EFCAB11: variants seen among roughly 807,000 people sequenced by gnomAD.
EFCAB11 encodes the protein EF-hand calcium-binding domain-containing protein 11.
EFCAB11 carries 14 observed loss-of-function variants against 23.0 expected under a neutral mutation model. That is an observed-to-expected ratio of 0.61 (90% CI 0.40 to 0.95). EFCAB11 has a LOEUF of 0.95. Among genes scored for constraint, EFCAB11 ranks in the 40% least tolerant of loss-of-function variants. The pLI, the probability that EFCAB11 is intolerant of heterozygous loss-of-function variation, is 0.00. For missense variants in EFCAB11, 198 were observed against 195.8 expected (o/e 1.01, Z -0.07); for synonymous variants, 65 against 66.6 (o/e 0.98, Z 0.11).
chr14:89,949,657 C>T (rs544700752), intron 3 of EFCAB11, among the ~76,000 whole-genome samples: 1 of 152,298 alleles, frequency 6.6e-6, no homozygotes, highest in East Asian at 1.9e-4. Flanking sequence ...TGAGCCACTG[C>T]ACCCAGCCTA....
chr14:89,908,033 A>G (rs1410467138), intron 5 of EFCAB11, among the ~76,000 whole-genome samples: 1 of 152,194 alleles, frequency 6.6e-6, no homozygotes, highest in Non-Finnish European at 1.5e-5. Context: ...CTATTTACTC[A>G]CTGGAATAGC....
At chr14:89,933,525 T>TA (rs555321277) in intron 3 of EFCAB11, among the ~76,000 whole-genome samples, 2 of 152,230 alleles carry the variant, frequency 1.3e-5, no homozygotes, top group South Asian at 2.1e-4. Context: ...TCCAATCATT[T>TA]AAAAAAATGT....
intron 5 of EFCAB11, among the ~76,000 whole-genome samples, chr14:89,930,780 T>C (rs1890361538): frequency 6.6e-6 from 1 of 152,202 alleles, no homozygotes; most frequent in South Asian, 2.1e-4. Context: ...TCTATATTTT[T>C]TGAGTTTCCG....
rs772652702 is a variant in EFCAB11, at chr14:89,953,890, T to C, written c.171+16A>G. On this transcript the variant is annotated intron_variant, in intron 2 of 5. Coordinates refer to ENST00000316738, the MANE Select transcript of EFCAB11 (RefSeq NM_145231.4). The stretch of plus-strand genomic sequence containing the variant: ...TGATCGTCTACCCCATCCCCAAATA[T>C]ATAAGAAAGCTCTACCTTGGAGGGC... The C allele has an allele frequency of 2.7e-5, 43 of 1,607,314 alleles. No individual in the cohort carries two copies. Among genetic ancestry groups the C allele is most frequent in the Non-Finnish European group, 3.6e-5 (42 of 1,176,244 alleles).
At chr14:89,820,898 T>C (rs989196559) in intron 5 of EFCAB11, among the ~76,000 whole-genome samples, 3 of 151,728 alleles carry the variant, frequency 2.0e-5, no homozygotes, top group Non-Finnish European at 4.4e-5. Context: ...ATAAAATATG[T>C]TATATGTTTT....
chr14:89,825,526 C>T (rs534418004), intron 5 of EFCAB11, among the ~76,000 whole-genome samples: 25 of 151,818 alleles, frequency 1.6e-4, no homozygotes, highest in African/African-American at 3.9e-4. Flanking sequence ...AGAAAATAAA[C>T]GAAACTAAAA....
Position 89,857,406 on chromosome 14 carries a change from T to C in EFCAB11, c.411-60082A>G, listed in dbSNP as rs553981548. Among the ~76,000 whole-genome samples, 3 of 152,316 alleles carry C rather than the reference T, an allele frequency of 2.0e-5. No individual in the cohort carries two copies. In the South Asian group the frequency reaches 6.2e-4, roughly 32 times the overall value. ...GAATTGAAAGAAAACTTACTTGAAA[T>C]GAGGTAATTATGTAAAAACACGGTT... On this transcript the variant is annotated intron_variant, in intron 5 of 5. Transcript: ENST00000316738.
intron 5 of EFCAB11, among the ~76,000 whole-genome samples, chr14:89,831,914 T>C (rs1015508796): frequency 2.0e-5 from 3 of 152,080 alleles, no homozygotes; most frequent in African/African-American, 7.2e-5. Context: ...AGGCAGCAAG[T>C]GGTCTAAGAT....
rs192405856 is a variant in EFCAB11 at position 89,813,875 on chromosome 14, A to T, written c.411-16551T>A. 2.9e-3 allele frequency among the ~76,000 whole-genome samples: 446 copies of T among 152,344 alleles called. 3 individuals are homozygous for T. Among genetic ancestry groups the T allele is most frequent in the Non-Finnish European group, 4.4e-3 (298 of 68,030 alleles). On this transcript the variant is annotated intron_variant, in intron 5 of 5. Coordinates refer to ENST00000316738, the MANE Select transcript of EFCAB11 (RefSeq NM_145231.4). The stretch of plus-strand genomic sequence containing the variant: ...TGAAAGAAAAGATGTTACGGGCAGA[A>T]CTTTTAGAGAAACAACCGTGCTTGA...
intron 5 of EFCAB11, among the ~76,000 whole-genome samples, chr14:89,811,628 C>T (rs1886153234): frequency 6.6e-6 from 1 of 152,106 alleles, no homozygotes; most frequent in South Asian, 2.1e-4. Context: ...CGCTAAACTG[C>T]CAGCTTTGTT....
At chr14:89,825,856 A>G (rs1391566837) in intron 5 of EFCAB11, among the ~76,000 whole-genome samples, 1 of 152,020 alleles carries the variant, frequency 6.6e-6, no homozygotes, top group Non-Finnish European at 1.5e-5. Context: ...GCTTGTTATA[A>G]TATTTTCTGT....
At chr14:89,886,375 G>A (rs1279746024) in intron 5 of EFCAB11, among the ~76,000 whole-genome samples, 7 of 151,788 alleles carry the variant, frequency 4.6e-5, no homozygotes, top group African/African-American at 1.2e-4. Context: ...GAAATGAGCC[G>A]GGCGTGGTGG....
intron 3 of EFCAB11, among the ~76,000 whole-genome samples, chr14:89,944,773 TCTC>T (rs1890906212): frequency 6.6e-6 from 1 of 151,812 alleles, no homozygotes; most frequent in African/African-American, 2.4e-5. Context: ...AAGAACATGT[TCTC>T]CTAGCAATAA....
chr14:89,851,791 G>C (rs1887607564), intron 5 of EFCAB11, among the ~76,000 whole-genome samples: 1 of 152,196 alleles, frequency 6.6e-6, no homozygotes, highest in Non-Finnish European at 1.5e-5. Flanking sequence ...ATCATAAAGA[G>C]ACGCGGGTCT....
chr14:89,867,705 C>A (rs1463225770), intron 5 of EFCAB11, among the ~76,000 whole-genome samples: 1 of 152,174 alleles, frequency 6.6e-6, no homozygotes, highest in Non-Finnish European at 1.5e-5. Context: ...ATCAGTTATG[C>A]ACATGTTAGT....
chr14:89,822,647 G>C (rs1188812736), intron 5 of EFCAB11, among the ~76,000 whole-genome samples: 1 of 152,176 alleles, frequency 6.6e-6, no homozygotes, highest in Non-Finnish European at 1.5e-5. Context: ...CACAGAGTGT[G>C]AGAATCCAAA....
intron 5 of EFCAB11, among the ~76,000 whole-genome samples, chr14:89,862,743 A>G (rs1471440828): frequency 2.0e-5 from 3 of 152,246 alleles, no homozygotes; most frequent in Non-Finnish European, 2.9e-5. Flanking sequence ...ATGTTAATGT[A>G]TCATAGATAA....
intron 2 of EFCAB11, 139 bp from the exon 3 acceptor site, chr14:89,950,281 A>C (rs891185937): frequency 2.3e-6 from 2 of 853,944 alleles, no homozygotes; most frequent in African/African-American, 3.5e-5. Flanking sequence ...GTAATGATAC[A>C]CAATAGCTAT....
At chr14:89,930,857 G>C (rs1463746563) in intron 5 of EFCAB11, among the ~76,000 whole-genome samples, 1 of 152,218 alleles carries the variant, frequency 6.6e-6, no homozygotes, top group African/African-American at 2.4e-5. Flanking sequence ...TAACAGGGTT[G>C]ATGAAGAGCT....
Sources: allele counts gnomAD v4.1 joint callset (sites outside exome capture counted in the v4.1 genomes callset), GRCh38; gene constraint gnomAD v4.1.1; transcripts MANE v1.5; gene names NCBI Gene and HGNC (gene_info 2026-07-23, HGNC 2026-07-21).